The following IQCN variants were observed in gnomAD, a reference collection of about 807,000 sequenced individuals.
IQCN encodes the protein IQ domain-containing protein N.
Under a neutral mutation model 64.4 loss-of-function variants are expected in IQCN, and 46 were observed. The ratio of observed to expected loss-of-function variants is 0.71; its 90% CI spans 0.56 to 0.91. The LOEUF is 0.91. Ranked by LOEUF, IQCN falls within the 40% of genes least tolerant of loss-of-function variation. The pLI is 0.00. For missense variants in IQCN, 1,753 were observed against 1,857.4 expected, an observed-to-expected ratio of 0.94 and a Z score of 1.03; for synonymous variants, 733 against 775.6, an observed-to-expected ratio of 0.95 and a Z score of 0.91.
At chr19:18,267,792 C>CTTTT in intron 2 of IQCN, 5 of 213,140 alleles carry the variant, frequency 2.3e-5, no homozygotes, top group Admixed American at 6.4e-5. Context: ...TTTTTCTTTT[C>CTTTT]TTTTTTTTTT....
At position 18,257,535 on chromosome 19, in the gene IQCN, C is replaced by T. The variant is rs1240607080; in HGVS notation, c.3749G>A (p.Gly1250Asp). 1 of 1,611,816 alleles carries T rather than the reference C, an allele frequency of 6.2e-7. No individual in the cohort carries two copies. The highest frequency in any genetic ancestry group is 8.5e-7 in the Non-Finnish European group (1 of 1,179,518). The part of the protein sequence containing the change: ...GSPPSVVMLV[G>D]SSPRTCHTCG... ...GGTATGACAGGTGCGAGGGCTGGAG[C>T]CCACTAGCATCACCACGCTGGGCGG... The change falls in exon 4 of 4, where the codon GGC becomes GAC. Residue 1250 changes from glycine to aspartate, a missense_variant. Physicochemically the swap from Gly to Asp is moderately conservative, Grantham distance 94 (BLOSUM62 -1). Transcript: ENST00000392413.
In IQCN at chr19:18,265,057, A is replaced by G; in HGVS notation, c.2483T>C (p.Val828Ala). The G allele has an allele frequency of 1.2e-6, 2 of 1,600,788 alleles. No homozygotes were observed. The highest frequency in any genetic ancestry group is 1.7e-6 in the Non-Finnish European group (2 of 1,179,750). The change falls in exon 3 of 4, where the codon GTC becomes GCC. Residue 828 changes from valine (V) to alanine (A), a missense_variant. Transcript: ENST00000392413. This position sits in a 1 kb window ranked among gnomAD's most constrained non-coding sequence, Gnocchi z 4.7. ...QGGPCPAACE[V>A]QGMLVPPMAP... ...CATCGGCGGCACCAGCATACCCTGGACCTCACAGGCTGCCGGGCATGGTCC... is the reference window on the plus strand; with the variant it reads ...CATCGGCGGCACCAGCATACCCTGGGCCTCACAGGCTGCCGGGCATGGTCC...
rs1969593818 is a variant in IQCN, at chr19:18,266,650, G to A, written c.890C>T (p.Pro297Leu). The A allele has an allele frequency of 1.9e-6, 3 of 1,614,094 alleles. No individual in the cohort carries two copies. In the East Asian group the frequency reaches 6.7e-5, roughly 36 times the overall value. The stretch of plus-strand genomic sequence containing the variant: ...TGCCTGGTCATACCTTCTGGACAAT[G>A]GTGTCTCCGGAGCCCTGGCTTTGTT... The part of the protein sequence containing the change: ...RTNKARAPET[P>L]LSRRYDQAVT... The change falls in exon 3 of 4, where the codon CCA becomes CTA. Residue 297 changes from proline (P) to leucine (L), a missense_variant. Pro to Leu is a moderately conservative substitution (Grantham distance 98). Transcript: ENST00000392413. The surrounding 1 kb of genome is among the most constrained non-coding windows in gnomAD (Gnocchi z 4.3).
intron 3 of IQCN, among the ~76,000 whole-genome samples, chr19:18,263,431 G>A (rs1267568907): frequency 6.6e-6 from 1 of 152,194 alleles, no homozygotes; most frequent in Non-Finnish European, 1.5e-5. Flanking sequence ...GGGCAGAGCA[G>A]GGCAGACACA....
At chr19:18,274,118 A>G (rs1600141416) in intron 1 of IQCN, among the ~76,000 whole-genome samples, 1 of 152,068 alleles carries the variant, frequency 6.6e-6, no homozygotes. Context: ...AATAATAATA[A>G]AGAGACATAA....
Position 18,265,149 on chromosome 19 carries a change from G to T in IQCN, c.2391C>A (p.Ala797=). ...RLGGLSAPPW[A]KPEDRQTQPQ... ...GCTGGGTCTGTCTGTCCTCTGGCTT[G>T]GCCCAGGGTGGGGCGCTGAGGCCAC... The change falls in exon 3 of 4, where the codon GCC becomes GCA. Residue 797 remains alanine (A), a synonymous_variant. Transcript: ENST00000392413. This position sits in a 1 kb window ranked among gnomAD's most constrained non-coding sequence, Gnocchi z 4.7. The T allele has an allele frequency of 6.2e-7, 1 of 1,607,196 alleles. No individual in the cohort carries two copies.
Position 18,267,537 on chromosome 19 carries a change from G to C in IQCN, c.14-11C>G. ...ACAGGTCAGCTCTGCCTGTGGGGGC[G>C]GCAGGGGGTGGTCAGGGTGTAGCAG... On this transcript the variant is annotated splice_polypyrimidine_tract_variant and intron_variant, in intron 2 of 3. Transcript: ENST00000392413. 1 of 1,512,938 alleles carries C rather than the reference G, an allele frequency of 6.6e-7. No individual in the cohort carries two copies. The highest frequency in any genetic ancestry group is 1.4e-5 in the South Asian group (1 of 73,862). The allele number at this position is 1,512,938 out of a possible 1,614,324, so 93.7% of individuals were successfully genotyped here.
Position 18,265,447 on chromosome 19 carries a change from G to A in IQCN, c.2093C>T (p.Thr698Ile), listed in dbSNP as rs1162272636. The stretch of plus-strand genomic sequence containing the variant: ...CAGGGATGGGGTCTTGGTCAGCTCA[G>A]TGGGCAGATGTCCCTGAGATGAGGC... The part of the protein sequence containing the change: ...TKASSQGHLP[T>I]ELTKTPSLAH... The change falls in exon 3 of 4, where the codon ACT (threonine) becomes ATT (isoleucine). Residue 698 changes from threonine to isoleucine, a missense_variant. Transcript: ENST00000392413. The surrounding 1 kb of genome is among the most constrained non-coding windows in gnomAD (Gnocchi z 4.7). The A allele has an allele frequency of 1.2e-6, 2 of 1,613,936 alleles. No individual in the cohort carries two copies. Among genetic ancestry groups the A allele is most frequent in the African/African-American group, 1.3e-5 (1 of 74,928 alleles).
chr19:18,273,994 G>C (rs1482703884), intron 1 of IQCN, among the ~76,000 whole-genome samples: 1 of 152,152 alleles, frequency 6.6e-6, no homozygotes, highest in Non-Finnish European at 1.5e-5. Context: ...GGCTCAGCTG[G>C]GCGCAGTGGC....
chr19:18,258,264 G>A (rs920652675), intron 3 of IQCN, 158 bp from the exon 4 acceptor site: 6 of 799,502 alleles, frequency 7.5e-6, no homozygotes, highest in South Asian at 4.3e-5. Context: ...CCGAACTCCC[G>A]GGGCCAGCGG....
intron 3 of IQCN, chr19:18,261,112 C>T (rs1422432682): frequency 6.6e-6 from 1 of 152,212 alleles, no homozygotes; most frequent in Non-Finnish European, 1.5e-5. Context: ...TTTGGGGACA[C>T]CCTGGAGGCC....
intron 2 of IQCN, among the ~76,000 whole-genome samples, chr19:18,268,499 G>A (rs1402155891): frequency 1.3e-5 from 2 of 152,032 alleles, no homozygotes; most frequent in Admixed American, 1.3e-4. Flanking sequence ...TGAAGGTTTG[G>A]ATGAATAGGT....
rs1355595065 is a variant in IQCN, at chr19:18,265,211, C to T, written c.2329G>A (p.Gly777Arg). The change falls in exon 3 of 4, where the codon GGG becomes AGG. Residue 777 changes from glycine to arginine, a missense_variant. Coordinates refer to ENST00000392413, the MANE Select transcript of IQCN (RefSeq NM_001145304.2). The surrounding 1 kb of genome is among the most constrained non-coding windows in gnomAD (Gnocchi z 4.7). The stretch of plus-strand genomic sequence containing the variant: ...CAGGCGTGGTTGGACACCTTGGACC[C>T]TGTTAGGAGCACCTGGGAGTGGGTG... ...SNTHSQVLLT[G>R]SKVSNHACQR... The T allele has an allele frequency of 3.1e-6, 5 of 1,611,960 alleles. No homozygotes were observed. Among genetic ancestry groups the T allele is most frequent in the Non-Finnish European group, 4.2e-6 (5 of 1,179,964 alleles).
intron 3 of IQCN, chr19:18,261,685 G>C (rs1287459366): frequency 6.5e-6 from 1 of 154,654 alleles, no homozygotes; most frequent in African/African-American, 2.4e-5. Context: ...GACTGGGCCA[G>C]GCTTGGAGAC....
chr19:18,258,498 C>T (rs1028692346), intron 3 of IQCN: 17 of 464,268 alleles, frequency 3.7e-5, no homozygotes, highest in South Asian at 1.6e-4. Flanking sequence ...GGCGTCCCAG[C>T]GGCTGCTCGG....
intron 3 of IQCN, chr19:18,259,583 C>T (rs1429080716): frequency 6.6e-6 from 1 of 152,276 alleles, no homozygotes; most frequent in Non-Finnish European, 1.5e-5. Context: ...GGACTGCGCC[C>T]GTGCTCATTC....
Position 18,257,694 on chromosome 19 carries a change from C to G in IQCN, c.3590G>C (p.Arg1197Pro), listed in dbSNP as rs768080066. The stretch of plus-strand genomic sequence containing the variant: ...GCTTCGGTCAGACATGACCCCGGCC[C>G]GGCTGCCCAGCTCCACCCACGTGAC... ...HPVTWVELGSRAGVMSDRSWF... is the reference protein window; with the variant it reads ...HPVTWVELGSPAGVMSDRSWF... Residue 1197 changes from arginine (R) to proline (P), a missense_variant, in exon 4 of 4, where the codon CGG becomes CCG. By Grantham distance (103) the Arg-to-Pro change is moderately radical. Transcript: ENST00000392413. 65 of 1,603,898 alleles carry G rather than the reference C, an allele frequency of 4.1e-5. No homozygotes were observed. Among genetic ancestry groups the G allele is most frequent in the Non-Finnish European group, 5.1e-5 (60 of 1,174,198 alleles).
At chr19:18,270,518 T>G (rs6512254) in intron 1 of IQCN, among the ~76,000 whole-genome samples, 55,920 of 151,358 alleles carry the variant, frequency 0.37, 12,035 homozygotes, top group African/African-American at 0.61. Context: ...AATTAGCCAG[T>G]CATGGTGACA....
At position 18,266,217 on chromosome 19, in the gene IQCN, C is replaced by T. The variant is rs1158562692; in HGVS notation, c.1323G>A (p.Leu441=). The change falls in exon 3 of 4, where the codon CTG becomes CTA. Residue 441 remains leucine, a synonymous_variant. Transcript: ENST00000392413. The surrounding 1 kb of genome is among the most constrained non-coding windows in gnomAD (Gnocchi z 4.3). ...VSLLASIMKS[L]PQVCPGPAMA... ...TCGCAGGCCCCGGGCATACCTGGGG[C>T]AGGCTCTTCATGATGGAAGCCAGAA... 6.2e-7 allele frequency: 1 copy of T among 1,613,966 alleles called. No homozygotes were observed. The highest frequency in any genetic ancestry group is 1.3e-5 in the African/African-American group (1 of 74,892).
Sources: gnomAD v4.1 joint callset for allele counts (sites outside exome capture counted in the v4.1 genomes callset) on GRCh38, gnomAD v4.1.1 for gene constraint, Gnocchi (gnomAD v3.1) non-coding constraint, MANE v1.5 for transcripts, NCBI Gene and HGNC (gene_info 2026-07-23, HGNC 2026-07-21) for gene names.